Variants in FUT8 observed in about 807,000 individuals in gnomAD.
FUT8 encodes fucosyltransferase 8.
A neutral mutation model predicts 71.3 loss-of-function variants in FUT8; 29 were observed. The ratio of observed to expected loss-of-function variants is 0.41; its 90% CI spans 0.30 to 0.55. FUT8 has a LOEUF of 0.55. Ranked by LOEUF, FUT8 falls within the 20% of genes least tolerant of loss-of-function variation. The pLI is 0.34. For missense variants in FUT8, 544 were observed against 702.1 expected, an observed-to-expected ratio of 0.77 and a Z score of 2.55; for synonymous variants, 254 against 239.3, an observed-to-expected ratio of 1.06 and a Z score of -0.57.
intron 3 of FUT8, among the ~76,000 whole-genome samples, chr14:65,582,281 G>A (rs1887135589): frequency 6.6e-6 from 1 of 151,938 alleles, no homozygotes; most frequent in African/African-American, 2.4e-5. Flanking sequence ...TTTCCTGGAA[G>A]TGTTATACTA....
chr14:65,372,985 T>C, the FUT8 span, among the ~76,000 whole-genome samples: 5 of 152,146 alleles, frequency 3.3e-5, no homozygotes, highest in African/African-American at 1.2e-4. Context: ...GGAGTAGAGA[T>C]GCCAGATAAA....
intron 2 of FUT8, among the ~76,000 whole-genome samples, chr14:65,534,102 C>G (rs982559952): frequency 6.6e-6 from 1 of 151,380 alleles, no homozygotes; most frequent in African/African-American, 2.4e-5. Context: ...CTTTTTTTTC[C>G]TTGAGAAACA....
intron 7 of FUT8, among the ~76,000 whole-genome samples, chr14:65,717,739 CCT>C (rs1895197558): frequency 2.0e-5 from 3 of 150,474 alleles, no homozygotes; most frequent in Non-Finnish European, 4.4e-5. Context: ...GCGCTCCTCA[CCT>C]CTCAGACGGG....
intron 1 of FUT8, among the ~76,000 whole-genome samples, chr14:65,430,745 G>A (rs552488336): frequency 2.0e-5 from 3 of 152,214 alleles, no homozygotes; most frequent in South Asian, 2.1e-4. Context: ...TTGTAACATA[G>A]CAAAGAATAG....
chr14:65,501,505 A>G (rs918012124), intron 2 of FUT8, among the ~76,000 whole-genome samples: 3 of 152,302 alleles, frequency 2.0e-5, no homozygotes, highest in African/African-American at 7.2e-5. Flanking sequence ...TATCACTGCT[A>G]CTGCTGGGGT....
At chr14:65,725,485 G>A (rs1034020979) in intron 9 of FUT8, among the ~76,000 whole-genome samples, 2 of 152,186 alleles carry the variant, frequency 1.3e-5, no homozygotes, top group African/African-American at 4.8e-5. Flanking sequence ...AATGAAGGAT[G>A]TATTAAATGT....
chr14:65,657,794 A>G (rs895282403), intron 6 of FUT8, among the ~76,000 whole-genome samples: 11 of 152,144 alleles, frequency 7.2e-5, no homozygotes, highest in African/African-American at 2.7e-4. Flanking sequence ...AGTCAATAAT[A>G]CATTTAAAAA....
At chr14:65,731,167 C>T (rs898856398) in intron 9 of FUT8, among the ~76,000 whole-genome samples, 1 of 152,148 alleles carries the variant, frequency 6.6e-6, no homozygotes, top group African/African-American at 2.4e-5. Context: ...ATGTGTGGCT[C>T]CTTATCTCAG....
chr14:65,446,245 T>C (rs777389422), intron 1 of FUT8, among the ~76,000 whole-genome samples: 1 of 152,244 alleles, frequency 6.6e-6, no homozygotes, highest in Non-Finnish European at 1.5e-5. Flanking sequence ...GTTTGCATTC[T>C]GCTGATTGCA....
rs186367631 is a variant in FUT8, at chr14:65,648,527, A to G, written c.597+18921A>G. 2.9e-3 allele frequency among the ~76,000 whole-genome samples: 440 copies of G among 152,320 alleles called. 5 individuals carry two copies. Among genetic ancestry groups the G allele is most frequent in the African/African-American group, 9.5e-3 (397 of 41,572 alleles). On this transcript the variant is annotated intron_variant, in intron 6 of 10. Coordinates refer to ENST00000673929, the MANE Select transcript of FUT8 (RefSeq NM_001371533.1). ...AGTACTCAGGAATATACCCCTTGCT[A>G]TCTTACAGACTGACCACCATTTGTT...
chr14:65,658,945 G>C (rs557819123), intron 6 of FUT8, among the ~76,000 whole-genome samples: 9 of 152,180 alleles, frequency 5.9e-5, no homozygotes, highest in Non-Finnish European at 1.3e-4. Flanking sequence ...TCCTGATTTT[G>C]ATAAGGTACT....
chr14:65,488,841 A>G (rs1042203737), intron 2 of FUT8, among the ~76,000 whole-genome samples: 6 of 152,112 alleles, frequency 3.9e-5, no homozygotes, highest in African/African-American at 9.7e-5. Flanking sequence ...TTTCTTTCCA[A>G]TTTTTCAGAG....
chr14:65,382,466 G>GC, the FUT8 span, among the ~76,000 whole-genome samples: 2 of 152,124 alleles, frequency 1.3e-5, no homozygotes, highest in East Asian at 3.8e-4. Flanking sequence ...CCTCCGAGTA[G>GC]CTGGGACTAT....
At chr14:65,558,411 A>T (rs527644933) in intron 2 of FUT8, among the ~76,000 whole-genome samples, 1 of 152,258 alleles carries the variant, frequency 6.6e-6, no homozygotes, top group East Asian at 1.9e-4. Flanking sequence ...ATATATGTTG[A>T]CAATAATAAA....
intron 9 of FUT8, among the ~76,000 whole-genome samples, chr14:65,730,285 AG>A (rs1289799590): frequency 6.6e-6 from 1 of 152,176 alleles, no homozygotes; most frequent in Non-Finnish European, 1.5e-5. Context: ...TTCTTTGAAA[AG>A]GGGTTAAAAT....
the FUT8 span, among the ~76,000 whole-genome samples, chr14:65,399,056 C>T: frequency 2.0e-5 from 3 of 152,086 alleles, no homozygotes; most frequent in African/African-American, 7.2e-5. Context: ...CGGTGGCTCA[C>T]GCCTGTAATC....
intron 7 of FUT8, among the ~76,000 whole-genome samples, chr14:65,708,608 G>A (rs988291689): frequency 6.6e-6 from 1 of 152,064 alleles, no homozygotes; most frequent in African/African-American, 2.4e-5. Context: ...TTGTAAATGG[G>A]ATTGTTTCCT....
intron 3 of FUT8, among the ~76,000 whole-genome samples, chr14:65,566,466 C>T (rs531303388): frequency 2.6e-4 from 40 of 152,002 alleles, no homozygotes; most frequent in African/African-American, 8.7e-4. Flanking sequence ...TCATGGTGGG[C>T]TTATATAGCC....
chr14:65,654,379 A>G (rs1891559029), intron 6 of FUT8, among the ~76,000 whole-genome samples: 2 of 152,196 alleles, frequency 1.3e-5, no homozygotes, highest in Admixed American at 1.3e-4. Context: ...ACCTGAGGTC[A>G]GGAGTTGGAG....
Sources: allele counts gnomAD v4.1 joint callset (sites outside exome capture counted in the v4.1 genomes callset), GRCh38; gene constraint gnomAD v4.1.1; transcripts MANE v1.5; gene names NCBI Gene and HGNC (gene_info 2026-07-23, HGNC 2026-07-21).